Variants in PEPD observed in about 807,000 individuals in gnomAD.
The protein encoded by PEPD is xaa-Pro dipeptidase.
In PEPD, 53 loss-of-function variants were observed where a neutral mutation model predicts 60.7. That is an observed-to-expected ratio of 0.87 (90% confidence interval 0.70 to 1.10). The LOEUF (loss-of-function observed/expected upper bound fraction) is 1.10. Among genes scored for constraint, PEPD ranks in the 50% least tolerant of loss-of-function variants. PEPD has a pLI of 0.00. For missense variants in PEPD, 711 were observed against 711.9 expected (o/e 1.00, Z 0.01); for synonymous variants, 267 against 284.1 (o/e 0.94, Z 0.60).
intron 7 of PEPD, among the ~76,000 whole-genome samples, chr19:33,473,077 T>TG (rs34365676): frequency 0.013 from 1,921 of 152,188 alleles, 46 homozygotes; most frequent in African/African-American, 0.044. Context: ...CGGGCAGACG[T>TG]GGGGCAGAGG....
intron 9 of PEPD, among the ~76,000 whole-genome samples, chr19:33,450,203 T>A (rs529328634): frequency 6.6e-6 from 1 of 152,340 alleles, no homozygotes; most frequent in East Asian, 1.9e-4. Flanking sequence ...CCGTGCTGCC[T>A]ACTGGCTGAA....
chr19:33,416,316 G>A (rs2145371301), intron 9 of PEPD, among the ~76,000 whole-genome samples: 1 of 152,286 alleles, frequency 6.6e-6, no homozygotes, highest in South Asian at 2.1e-4. Context: ...TGCGAGGCAG[G>A]AGGGGTCCAG....
chr19:33,450,271 C>T (rs781650626), intron 9 of PEPD, among the ~76,000 whole-genome samples: 11 of 152,234 alleles, frequency 7.2e-5, no homozygotes, highest in Non-Finnish European at 1.6e-4. Context: ...CCTGCCTTCT[C>T]CTGGTCCTCC....
At chr19:33,513,947 C>CTCTGCAGAAGTG (rs1555771548) in intron 1 of PEPD, among the ~76,000 whole-genome samples, 1 of 151,732 alleles carries the variant, frequency 6.6e-6, no homozygotes, top group Non-Finnish European at 1.5e-5. Flanking sequence ...CCACCCCATC[C>CTCTGCAGAAGTG]CCCAGCTCTC....
At chr19:33,435,493 A>G (rs1600112433) in intron 9 of PEPD, among the ~76,000 whole-genome samples, 1 of 152,324 alleles carries the variant, frequency 6.6e-6, no homozygotes, top group Admixed American at 6.5e-5. Context: ...CGCCGAGCCC[A>G]GACGAAGGAC....
chr19:33,493,926 G>A lies in PEPD; in HGVS notation c.394-589C>T, dbSNP rs145196369. ...CCCAAGCCCTTGCATCTGCATGCCGGGCCAGCTCCTCTCTCCACGCCTCTG... is the reference window on the plus strand; with the variant it reads ...CCCAAGCCCTTGCATCTGCATGCCGAGCCAGCTCCTCTCTCCACGCCTCTG... On this transcript the variant is annotated intron_variant, in intron 4 of 14. Transcript: ENST00000244137. Among the ~76,000 whole-genome samples, 779 of 152,274 alleles carry A rather than the reference G, an allele frequency of 5.1e-3. 2 individuals carry two copies. The highest frequency in any genetic ancestry group is 9.4e-3 in the Non-Finnish European group (638 of 68,018).
At chr19:33,487,596 TG>T (rs202020528) in intron 6 of PEPD, among the ~76,000 whole-genome samples, 1,624 of 151,992 alleles carry the variant, frequency 0.011, 11 homozygotes, top group Non-Finnish European at 0.017. Context: ...GCACCCGGGG[TG>T]GGGGGCAGTG....
intron 3 of PEPD, among the ~76,000 whole-genome samples, chr19:33,510,290 G>A (rs1052617789): frequency 2.0e-5 from 3 of 152,184 alleles, no homozygotes; most frequent in Non-Finnish European, 4.4e-5. Context: ...TTTAAGGAGC[G>A]GAGAGTTTAA....
At chr19:33,482,798 T>C (rs117161977) in intron 6 of PEPD, among the ~76,000 whole-genome samples, 1 of 152,316 alleles carries the variant, frequency 6.6e-6, no homozygotes, top group Non-Finnish European at 1.5e-5. Flanking sequence ...CGAAATGTGG[T>C]ACGTATCCAT....
chr19:33,441,500 G>A (rs557662415), intron 9 of PEPD, among the ~76,000 whole-genome samples: 11 of 152,210 alleles, frequency 7.2e-5, no homozygotes, highest in African/African-American at 1.2e-4. Context: ...ACGTCTTTGC[G>A]CCCAGCCAGG....
Position 33,387,948 on chromosome 19 carries a change from G to A in PEPD, c.1286C>T (p.Pro429Leu), listed in dbSNP as rs887989124. The change falls in exon 14 of 15, where the codon CCG becomes CTG. Residue 429 changes from proline (P) to leucine (L), a missense_variant. Pro to Leu is a moderately conservative substitution (Grantham distance 98, BLOSUM62 -3). Coordinates refer to ENST00000244137, the MANE Select transcript of PEPD (RefSeq NM_000285.4). The part of the protein sequence containing the change: ...DHLLDEALAD[P>L]ARASFLNREV... ...GCGGTTAAGGAAGGAGGCGCGGGCCGGGTCCGCCAGGGCCTCATCCAGGAG... is the reference window on the plus strand; with the variant it reads ...GCGGTTAAGGAAGGAGGCGCGGGCCAGGTCCGCCAGGGCCTCATCCAGGAG... The A allele has an allele frequency of 4.4e-6, 7 of 1,597,346 alleles. No homozygotes were observed. Among genetic ancestry groups the A allele is most frequent in the South Asian group, 2.3e-5 (2 of 88,368 alleles).
chr19:33,489,446 T>C (rs554125244), intron 6 of PEPD, among the ~76,000 whole-genome samples: 3 of 152,202 alleles, frequency 2.0e-5, no homozygotes, highest in Middle Eastern at 3.4e-3. Context: ...CTGGCCAACA[T>C]GGCAAAACCC....
chr19:33,520,781 T>C (rs1184434980), intron 1 of PEPD, among the ~76,000 whole-genome samples: 1 of 151,890 alleles, frequency 6.6e-6, no homozygotes, highest in Non-Finnish European at 1.5e-5. Flanking sequence ...TCCTACACCA[T>C]GCCCCCTCTA....
chr19:33,415,317 A>C (rs1033982857), intron 9 of PEPD, among the ~76,000 whole-genome samples: 2 of 152,242 alleles, frequency 1.3e-5, no homozygotes, highest in Non-Finnish European at 2.9e-5. Context: ...GCTTCAGAAA[A>C]GACAGGCAGA....
intron 1 of PEPD, among the ~76,000 whole-genome samples, chr19:33,515,325 C>T (rs1162105039): frequency 6.6e-6 from 1 of 152,144 alleles, no homozygotes; most frequent in Non-Finnish European, 1.5e-5. Flanking sequence ...GAGCCCCGCC[C>T]GCTCCCCCAC....
rs1032654493 is a variant in PEPD at position 33,464,725 on chromosome 19, TG to T, written c.549-664del. On this transcript the variant is annotated intron_variant, in intron 7 of 14. Coordinates refer to ENST00000244137, the MANE Select transcript of PEPD (RefSeq NM_000285.4). ...AGGGACCCTGCTGTCCCTTCCTGGC[TG>T]GGCTGTGCCTCCTGCAACTGGACTC... Among the ~76,000 whole-genome samples the T allele has an allele frequency of 4.0e-4, 61 of 152,276 alleles. 1 individual carries two copies. The highest frequency in any genetic ancestry group is 3.9e-3 in the Admixed American group (60 of 15,302).
intron 5 of PEPD, among the ~76,000 whole-genome samples, chr19:33,490,552 C>T (rs1391363663): frequency 6.6e-6 from 1 of 152,244 alleles, no homozygotes; most frequent in African/African-American, 2.4e-5. Context: ...AGACATCCCT[C>T]TCTTAACTCC....
Position 33,408,806 on chromosome 19 carries a change from C to G in PEPD, c.818+2866G>C, listed in dbSNP as rs145854918. Among the ~76,000 whole-genome samples the G allele has an allele frequency of 3.8e-3, 577 of 152,306 alleles. 3 individuals carry two copies. The highest frequency in any genetic ancestry group is 0.013 in the African/African-American group (548 of 41,568). On this transcript the variant is annotated intron_variant, in intron 11 of 14. Coordinates refer to ENST00000244137, the MANE Select transcript of PEPD (RefSeq NM_000285.4). ...CATCGTGGCTTTCATGTTGGGATAACAGACTGATTTATTATTTACCGAACG... is the reference window on the plus strand; with the variant it reads ...CATCGTGGCTTTCATGTTGGGATAAGAGACTGATTTATTATTTACCGAACG...
chr19:33,473,105 C>G (rs1970154713), intron 7 of PEPD, among the ~76,000 whole-genome samples: 4 of 152,178 alleles, frequency 2.6e-5, no homozygotes, highest in Non-Finnish European at 5.9e-5. Flanking sequence ...CCACGCTGGA[C>G]CAGGGCCTGG....
Sources: gnomAD v4.1 joint callset for allele counts (sites outside exome capture counted in the v4.1 genomes callset) on GRCh38, gnomAD v4.1.1 for gene constraint, MANE v1.5 for transcripts, NCBI Gene and HGNC (gene_info 2026-07-23, HGNC 2026-07-21) for gene names.